Variants in GNS observed in about 807,000 individuals in gnomAD.
The protein encoded by GNS is N-acetylglucosamine-6-sulfatase.
Under a neutral mutation model 69.7 loss-of-function variants are expected in GNS, and 40 were observed. The observed-to-expected ratio is 0.57, with a 90% confidence interval of 0.45 to 0.75. The LOEUF (loss-of-function observed/expected upper bound fraction) is 0.75, where lower values mean the gene tolerates loss of function less well. Among genes scored for constraint, GNS ranks in the 30% least tolerant of loss-of-function variants. The probability of loss-of-function intolerance (pLI) is 0.00; values close to 1 mark genes in which losing one functional copy is unlikely to be tolerated. For missense variants in GNS, 565 were observed against 685.5 expected (o/e 0.82, Z 1.96); for synonymous variants, 243 against 251.6 (o/e 0.97, Z 0.32).
intron 1 of GNS, chr12:64,752,977 G>A: frequency 3.4e-6 from 2 of 580,620 alleles, no homozygotes; most frequent in Non-Finnish European, 6.1e-6. Context: ...CTTGCAGGAA[G>A]GGAAAGTTCA....
intron 9 of GNS, among the ~76,000 whole-genome samples, chr12:64,730,333 C>G (rs1869343875): frequency 6.8e-6 from 1 of 146,316 alleles, no homozygotes; most frequent in Non-Finnish European, 1.5e-5. Flanking sequence ...ACATTTAGAT[C>G]ATCTTAGGAG....
Position 64,747,870 on chromosome 12 carries a change from C to T in GNS, c.301G>A (p.Gly101Arg). The T allele has an allele frequency of 6.2e-7, 1 of 1,611,754 alleles. No homozygotes were observed. The highest frequency in any genetic ancestry group is 8.5e-7 in the Non-Finnish European group (1 of 1,177,834). The change falls in exon 3 of 14, where the codon GGA becomes AGA. Residue 101 changes from glycine (G) to arginine (R), a missense_variant. Gly to Arg is a moderately radical substitution (Grantham distance 125, BLOSUM62 -2). This residue lies in a region of GNS where 181 missense variants were observed against 174.4 expected (regional missense o/e 1.04). Coordinates refer to ENST00000258145, the MANE Select transcript of GNS (RefSeq NM_002076.4). ...CCPSRASILT[G>R]KYPHNHHVVN... ...ACGTGATGATTATGTGGGTACTTTC[C>T]TGTCAGGATACTGGCTCTGCTGGGG...
intron 2 of GNS, among the ~76,000 whole-genome samples, chr12:64,750,161 C>G (rs1010545139): frequency 6.6e-6 from 1 of 152,140 alleles, no homozygotes; most frequent in Non-Finnish European, 1.5e-5. Context: ...ATTCTAATGC[C>G]TCAGCCTCCC....
Position 64,759,395 on chromosome 12 carries a change from C to T in GNS, c.-119G>A, listed in dbSNP as rs531654763. 3.2e-5 allele frequency: 22 copies of T among 684,308 alleles called. No individual in the cohort carries two copies. Among genetic ancestry groups the T allele is most frequent in the Middle Eastern group, 4.1e-4 (1 of 2,452 alleles). 42.4% of individuals were successfully genotyped at this position (684,308 alleles called of 1,614,324 possible). On this transcript the variant is annotated 5_prime_UTR_variant, in exon 1 of 14. Transcript: ENST00000258145. Reference sequence around the variant, plus strand: ...AAAGCCGTGCCTTGAAGGCCGGTGGCTGGAGTCAGACGTTTTCTCCCTAGG... The same window carrying T: ...AAAGCCGTGCCTTGAAGGCCGGTGGTTGGAGTCAGACGTTTTCTCCCTAGG...
chr12:64,722,190 G>T (rs1479490808), intron 11 of GNS, among the ~76,000 whole-genome samples: 2 of 151,992 alleles, frequency 1.3e-5, no homozygotes, highest in Non-Finnish European at 2.9e-5. Flanking sequence ...GCTAATTTTT[G>T]TATTTGTAGT....
At position 64,759,072 on chromosome 12, in the gene GNS, A is replaced by G; in HGVS notation, c.192+13T>C. Reference sequence around the variant, plus strand: ...CAAGAGATAGAGGGGCGGGGCAGAAACAGAAGAGTTACCATGCCGCCGAGC... The same window carrying G: ...CAAGAGATAGAGGGGCGGGGCAGAAGCAGAAGAGTTACCATGCCGCCGAGC... On this transcript the variant is annotated intron_variant, in intron 1 of 13. Coordinates refer to ENST00000258145, the MANE Select transcript of GNS (RefSeq NM_002076.4). The G allele has an allele frequency of 1.3e-6, 2 of 1,553,502 alleles. No individual in the cohort carries two copies. Among genetic ancestry groups the G allele is most frequent in the Non-Finnish European group, 1.7e-6 (2 of 1,146,890 alleles).
chr12:64,758,886 G>GT (rs1374764853), intron 1 of GNS, among the ~76,000 whole-genome samples, 199 bp downstream of exon 1: 2 of 152,204 alleles, frequency 1.3e-5, no homozygotes, highest in African/African-American at 4.8e-5. Flanking sequence ...TGTGCTGTAC[G>GT]CATGTGCCTC....
chr12:64,757,634 T>C (rs1870295774), intron 1 of GNS, among the ~76,000 whole-genome samples: 1 of 152,188 alleles, frequency 6.6e-6, no homozygotes, highest in South Asian at 2.1e-4. Context: ...TCTCAAGCTC[T>C]TGAGCATCAA....
chr12:64,751,658 T>TATA lies in GNS; in HGVS notation c.252+1037_252+1039dup, dbSNP rs569458541. On this transcript the variant is annotated intron_variant, in intron 2 of 13. Transcript: ENST00000258145. ...CTTACTTGTATCATGTTGGTAGACA[T>TATA]ATAATAACCAACATCATGTAGTATT... is the stretch of plus-strand genomic sequence containing the variant. Among the ~76,000 whole-genome samples the TATA allele has an allele frequency of 1.2e-4, 18 of 152,306 alleles. No individual in the cohort carries two copies. In the South Asian group the frequency reaches 3.3e-3, roughly 28 times the overall value.
intron 13 of GNS, among the ~76,000 whole-genome samples, chr12:64,718,554 G>A (rs947458276): frequency 2.0e-5 from 3 of 152,198 alleles, no homozygotes; most frequent in Admixed American, 6.5e-5. Flanking sequence ...AACACTTAGA[G>A]CCAGATGTTC....
At chr12:64,729,656 A>C (rs549756054) in intron 9 of GNS, among the ~76,000 whole-genome samples, 2 of 152,234 alleles carry the variant, frequency 1.3e-5, no homozygotes, top group Non-Finnish European at 2.9e-5. Context: ...AACATTCTAG[A>C]AACTAAAGGC....
chr12:64,751,951 CAAAAAA>C (rs570528616), intron 2 of GNS, among the ~76,000 whole-genome samples: 1 of 64,822 alleles, frequency 1.5e-5, no homozygotes, highest in Non-Finnish European at 2.9e-5. Context: ...TTGCGCCACT[CAAAAAA>C]AAAAAAAAAA....
Position 64,714,380 on chromosome 12 carries a change from G to C in GNS, c.*2361C>G, listed in dbSNP as rs1061743. ...GAATACAATTAAAAGGAGGCAGCAA[G>C]CTTCTTGCAGTGGGTCCCTTAAACA... is the stretch of plus-strand genomic sequence containing the variant. On this transcript the variant is annotated 3_prime_UTR_variant, in exon 14 of 14. Coordinates refer to ENST00000258145, the MANE Select transcript of GNS (RefSeq NM_002076.4). 81,583 of 151,998 alleles carry C rather than the reference G, an allele frequency of 0.54. 22,867 individuals are homozygous for C. Among genetic ancestry groups the C allele is most frequent in the East Asian group, 0.88 (4,531 of 5,172 alleles). The allele number at this position is 151,998 out of a possible 1,614,324, so 9.4% of individuals were successfully genotyped here.
At chr12:64,732,315 C>A (rs1202605157) in intron 9 of GNS, among the ~76,000 whole-genome samples, 3 of 151,426 alleles carry the variant, frequency 2.0e-5, no homozygotes, top group African/African-American at 7.3e-5. Flanking sequence ...CTACAGGCGC[C>A]TGCCACCACG....
intron 2 of GNS, among the ~76,000 whole-genome samples, chr12:64,751,106 G>A (rs1236263893): frequency 6.6e-6 from 1 of 152,070 alleles, no homozygotes; most frequent in Admixed American, 6.5e-5. Flanking sequence ...CTAGCACTTT[G>A]GGAGACTGAG....
At position 64,716,514 on chromosome 12, in the gene GNS, T is replaced by TA. The variant is rs1868862445; in HGVS notation, c.*226dup. ...AGACCTCAGGAGTGTCCTTGTCAGC[T>TA]AAAGGAAGAGACCAGAGACAGCCAC... On this transcript the variant is annotated 3_prime_UTR_variant, in exon 14 of 14. Transcript: ENST00000258145. 7 of 588,100 alleles carry TA rather than the reference T, an allele frequency of 1.2e-5. No individual in the cohort carries two copies. Among genetic ancestry groups the TA allele is most frequent in the South Asian group, 1.1e-4 (6 of 53,534 alleles). The allele number at this position is 588,100 out of a possible 1,614,324, so 36.4% of individuals were successfully genotyped here. A position where few individuals can be genotyped will look rare whatever the true frequency, so the allele number is the denominator to read the frequency against.
intron 3 of GNS, chr12:64,745,987 T>C (rs1469281083): frequency 1.9e-6 from 1 of 517,790 alleles, no homozygotes. Context: ...AATTTTAAAA[T>C]ATAAAAGTTA....
At chr12:64,738,206 T>C (rs990516237) in intron 8 of GNS, among the ~76,000 whole-genome samples, 1 of 152,122 alleles carries the variant, frequency 6.6e-6, no homozygotes, top group Non-Finnish European at 1.5e-5. Flanking sequence ...GAAAGAGTTA[T>C]GCCATGTTGG....
At chr12:64,756,612 T>G (rs984398384) in intron 1 of GNS, 3 of 703,388 alleles carry the variant, frequency 4.3e-6, no homozygotes, top group Non-Finnish European at 7.5e-6. Flanking sequence ...AAGGATACTA[T>G]GTACAGCAGA....
Sources: allele counts gnomAD v4.1 joint callset (sites outside exome capture counted in the v4.1 genomes callset), GRCh38; gene constraint gnomAD v4.1.1; regional missense constraint gnomAD v4.1.1; transcripts MANE v1.5; gene names NCBI Gene and HGNC (gene_info 2026-07-23, HGNC 2026-07-21).